ADAMTS12: variants seen among roughly 807,000 people sequenced by gnomAD.
ADAMTS12 encodes A disintegrin and metalloproteinase with thrombospondin motifs 12.
In ADAMTS12, 118 loss-of-function variants were observed where a neutral mutation model predicts 167.8. The ratio of observed to expected loss-of-function variants is 0.70; its 90% confidence interval spans 0.61 to 0.82. The LOEUF (loss-of-function observed/expected upper bound fraction) is 0.82. Among genes scored for constraint, ADAMTS12 ranks in the 40% least tolerant of loss-of-function variants. The pLI is 0.00. For missense variants in ADAMTS12, 1,916 were observed against 1,998.8 expected, an observed-to-expected ratio of 0.96 and a Z score of 0.79; for synonymous variants, 704 against 716.9, an observed-to-expected ratio of 0.98 and a Z score of 0.29.
At chr5:33,870,862 C>T (rs1750014468) in intron 2 of ADAMTS12, among the ~76,000 whole-genome samples, 1 of 152,170 alleles carries the variant, frequency 6.6e-6, no homozygotes, top group Non-Finnish European at 1.5e-5. Flanking sequence ...GTGCCTCCTT[C>T]CTCTTTGCCT....
At position 33,584,786 on chromosome 5, in the gene ADAMTS12, A is replaced by C. The variant is rs545054366; in HGVS notation, c.2865+3813T>G. ...AAACCTAGAAAAATTACCACCTATC[A>C]TTACTATTAGTCTAATTACTAGGAG... On this transcript the variant is annotated intron_variant, in intron 18 of 23. Transcript: ENST00000504830. Among the ~76,000 whole-genome samples, 3 of 152,332 alleles carry C rather than the reference A, an allele frequency of 2.0e-5. No individual in the cohort carries two copies. The East Asian group carries it at 5.8e-4, about 29-fold the overall frequency.
chr5:33,729,566 A>G lies in ADAMTS12; in HGVS notation c.634+21838T>C, dbSNP rs116411032. On this transcript the variant is annotated intron_variant, in intron 3 of 23. Transcript: ENST00000504830. ...AGGGAGTTTTTGTGGCCTCCATTTT[A>G]ATTTGCTTTAACAACACATAATTTA... Among the ~76,000 whole-genome samples the G allele has an allele frequency of 4.4e-3, 676 of 152,300 alleles. 4 individuals carry two copies. The highest frequency in any genetic ancestry group is 7.0e-3 in the Non-Finnish European group (475 of 68,032).
chr5:33,640,993 A>G (rs1377852941), intron 11 of ADAMTS12, among the ~76,000 whole-genome samples: 1 of 151,874 alleles, frequency 6.6e-6, no homozygotes, highest in Non-Finnish European at 1.5e-5. Flanking sequence ...CTTTTAAAAA[A>G]TGTGACTCCT....
intron 5 of ADAMTS12, among the ~76,000 whole-genome samples, chr5:33,672,720 A>G (rs1479852136): frequency 2.0e-5 from 3 of 152,230 alleles, no homozygotes; most frequent in Non-Finnish European, 4.4e-5. Flanking sequence ...AACCAAATTC[A>G]GTGTCAGCAA....
At chr5:33,569,439 G>A (rs1039656459) in intron 19 of ADAMTS12, among the ~76,000 whole-genome samples, 8 of 152,284 alleles carry the variant, frequency 5.3e-5, no homozygotes, top group Admixed American at 1.3e-4. Context: ...CGTGGATCAC[G>A]AAAATCCATG....
At chr5:33,878,279 CT>C (rs59487114) in intron 2 of ADAMTS12, among the ~76,000 whole-genome samples, 73,720 of 148,922 alleles carry the variant, frequency 0.5, 20,256 homozygotes, top group African/African-American at 0.74. Context: ...CTTTGGGTGC[CT>C]TTTTTTTTTT....
At position 33,751,517 on chromosome 5, in the gene ADAMTS12, A is replaced by T; in HGVS notation, c.521T>A (p.Phe174Tyr). 6.2e-7 allele frequency: 1 copy of T among 1,614,088 alleles called. No individual in the cohort carries two copies. The highest frequency in any genetic ancestry group is 1.3e-5 in the African/African-American group (1 of 75,032). The change falls in exon 3 of 24, where the codon TTT (phenylalanine) becomes TAT (tyrosine). Residue 174 changes from phenylalanine to tyrosine, a missense_variant. Coordinates refer to ENST00000504830, the MANE Select transcript of ADAMTS12 (RefSeq NM_030955.4). The stretch of plus-strand genomic sequence containing the variant: ...ATGCTTCTTCACGGGTTCAATGAAA[A>T]AGTCTCCATGTGGTAGTTGGAAAAA... ...TGFFQLPHGD[F>Y]FIEPVKKHPL...
chr5:33,632,364 TAACA>T (rs1011097080), intron 12 of ADAMTS12, among the ~76,000 whole-genome samples: 26 of 151,850 alleles, frequency 1.7e-4, no homozygotes, highest in African/African-American at 6.0e-4. Context: ...AATACCCAGG[TAACA>T]AACAAGCACA....
At chr5:33,671,652 T>C (rs544906058) in intron 5 of ADAMTS12, among the ~76,000 whole-genome samples, 1 of 152,204 alleles carries the variant, frequency 6.6e-6, no homozygotes, top group African/African-American at 2.4e-5. Context: ...AAAGGGAACC[T>C]GTAGTCTTTC....
intron 1 of ADAMTS12, among the ~76,000 whole-genome samples, chr5:33,888,683 G>GTCT (rs1750732195): frequency 6.6e-6 from 1 of 152,192 alleles, no homozygotes; most frequent in Admixed American, 6.5e-5. Flanking sequence ...GAGCAAAAGA[G>GTCT]GTCATGGAAC....
chr5:33,821,472 G>A (rs1747863888), intron 2 of ADAMTS12, among the ~76,000 whole-genome samples: 1 of 151,928 alleles, frequency 6.6e-6, no homozygotes, highest in Non-Finnish European at 1.5e-5. Context: ...GATTTATAGT[G>A]GATATACTGG....
intron 20 of ADAMTS12, among the ~76,000 whole-genome samples, chr5:33,560,077 T>C (rs1045053304): frequency 3.9e-5 from 6 of 152,192 alleles, no homozygotes; most frequent in Non-Finnish European, 8.8e-5. Flanking sequence ...AAATGCTAAA[T>C]TGAAGTAATA....
intron 2 of ADAMTS12, among the ~76,000 whole-genome samples, chr5:33,858,442 A>C (rs140534736): frequency 6.6e-6 from 1 of 152,332 alleles, no homozygotes; most frequent in African/African-American, 2.4e-5. Context: ...GGATTGCTTG[A>C]GCCCAAGAAC....
In ADAMTS12 at chr5:33,835,953, CTGTGTGTGTG is replaced by C. The variant is rs146410588; in HGVS notation, c.489+45156_489+45165del. ...TCTCTCTCTCTCTCTCTCTCTCTCT[CTGTGTGTGTG>C]TGTGTGTCCATCTGGGCAGTTTATG... On this transcript the variant is annotated intron_variant, in intron 2 of 23. Coordinates refer to ENST00000504830, the MANE Select transcript of ADAMTS12 (RefSeq NM_030955.4). Among the ~76,000 whole-genome samples, 8 of 89,162 alleles carry C rather than the reference CTGTGTGTGTG, an allele frequency of 9.0e-5. No homozygotes were observed. The East Asian group carries it at 2.3e-3, about 25-fold the overall frequency. The allele number at this position is 89,162 out of a possible 152,430, so 58.5% of individuals were successfully genotyped here. A position where few individuals can be genotyped will look rare whatever the true frequency, so the allele number is the denominator to read the frequency against.
At chr5:33,831,341 C>T (rs911685678) in intron 2 of ADAMTS12, among the ~76,000 whole-genome samples, 1 of 152,128 alleles carries the variant, frequency 6.6e-6, no homozygotes, top group African/African-American at 2.4e-5. Flanking sequence ...AATTCCAGTC[C>T]ATGCATTCTG....
intron 5 of ADAMTS12, among the ~76,000 whole-genome samples, chr5:33,662,409 T>C (rs1741290528): frequency 6.6e-6 from 1 of 152,252 alleles, no homozygotes. Context: ...GGCATTTTTA[T>C]TTCTAATGCA....
At chr5:33,888,795 G>A (rs772719581) in intron 1 of ADAMTS12, among the ~76,000 whole-genome samples, 21 of 152,152 alleles carry the variant, frequency 1.4e-4, no homozygotes, top group African/African-American at 5.1e-4. Context: ...AATATTTCCC[G>A]TTGTTCTGAT....
At chr5:33,600,465 A>G (rs1000509328) in intron 16 of ADAMTS12, among the ~76,000 whole-genome samples, 5 of 152,244 alleles carry the variant, frequency 3.3e-5, no homozygotes, top group African/African-American at 4.8e-5. Context: ...GTTATGGTTA[A>G]TTAAATTTGA....
chr5:33,649,364 G>A (rs896762253), intron 8 of ADAMTS12, among the ~76,000 whole-genome samples, 190 bp downstream of exon 8: 1 of 152,134 alleles, frequency 6.6e-6, no homozygotes, highest in Non-Finnish European at 1.5e-5. Context: ...GTGACAAGAG[G>A]GCAGAGCCCA....
Sources: gnomAD v4.1 joint callset for allele counts (sites outside exome capture counted in the v4.1 genomes callset) on GRCh38, gnomAD v4.1.1 for gene constraint, MANE v1.5 for transcripts, NCBI Gene and HGNC (gene_info 2026-07-23, HGNC 2026-07-21) for gene names.